Variants in N4BP2 observed in about 807,000 individuals in gnomAD.
N4BP2 encodes NEDD4-binding protein 2.
In N4BP2, 91 loss-of-function variants were observed where a neutral mutation model predicts 152.8. That is an observed-to-expected ratio of 0.60 (90% CI 0.50 to 0.71). The LOEUF is 0.71. Ranked by LOEUF, N4BP2 falls within the 30% of genes least tolerant of loss-of-function variation. N4BP2 has a pLI of 0.00. For missense variants in N4BP2, 1,923 were observed against 2,059.1 expected, an observed-to-expected ratio of 0.93 and a Z score of 1.28; for synonymous variants, 646 against 705.3, an observed-to-expected ratio of 0.92 and a Z score of 1.33.
At chr4:40,114,474 C>T (rs1717178812) in intron 7 of N4BP2, among the ~76,000 whole-genome samples, 1 of 152,134 alleles carries the variant, frequency 6.6e-6, no homozygotes, top group Non-Finnish European at 1.5e-5. Context: ...ATGGAACATA[C>T]AATATGTGGC....
downstream of N4BP2, among the ~76,000 whole-genome samples, chr4:40,163,150 T>C (rs1450305475): frequency 6.6e-6 from 1 of 152,236 alleles, no homozygotes; most frequent in African/African-American, 2.4e-5. Context: ...GAGAATTAGC[T>C]CTACCTTTTG....
intron 3 of N4BP2, 95 bp downstream of exon 3, chr4:40,097,664 CTATTTTAT>C: frequency 1.3e-6 from 1 of 742,310 alleles, no homozygotes; most frequent in East Asian, 2.7e-5. Flanking sequence ...TGTCTTGTTT[CTATTTTAT>C]TCATAATTTA....
chr4:40,113,062 A>T (rs962798935), intron 6 of N4BP2, among the ~76,000 whole-genome samples: 35 of 152,284 alleles, frequency 2.3e-4, no homozygotes, highest in African/African-American at 8.2e-4. Flanking sequence ...TCATTAGCAC[A>T]TGTAGAATTT....
chr4:40,063,315 A>G (rs189018476), intron 1 of N4BP2, among the ~76,000 whole-genome samples: 176 of 152,320 alleles, frequency 1.2e-3, no homozygotes, highest in African/African-American at 4.1e-3. Context: ...GAACTTTCCC[A>G]TAGTTGGGAC....
rs576655413 is a variant in N4BP2, at chr4:40,104,326, C to G, written c.1373+1108C>G. Among the ~76,000 whole-genome samples, 22 of 149,956 alleles carry G rather than the reference C, an allele frequency of 1.5e-4. No homozygotes were observed. The South Asian group carries it at 4.6e-3, about 31-fold the overall frequency. The stretch of plus-strand genomic sequence containing the variant: ...CCTTCTAACATTATCAGTTGGGTCT[C>G]TATTTGATCCTGGGTGTATCTAGTC... On this transcript the variant is annotated intron_variant, in intron 4 of 17. Transcript: ENST00000261435.
chr4:40,102,231 A>G lies in N4BP2; in HGVS notation c.386A>G (p.Lys129Arg). 6.2e-7 allele frequency: 1 copy of G among 1,614,050 alleles called. No individual in the cohort carries two copies. The highest frequency in any genetic ancestry group is 8.5e-7 in the Non-Finnish European group (1 of 1,179,972). ...CCTGAAGAAGAGAGTGAAGATTCAA[A>G]AATGGATTCATTTTTGGACATGCAG... ...KRPEEESEDS[K>R]MDSFLDMQLT... Residue 129 changes from lysine to arginine, a missense_variant, in exon 4 of 18, where the codon AAA (lysine) becomes AGA (arginine). Lys to Arg is a conservative substitution (Grantham distance 26, BLOSUM62 2). Transcript: ENST00000261435.
the N4BP2 span, among the ~76,000 whole-genome samples, chr4:40,175,534 C>T: frequency 6.6e-6 from 1 of 152,088 alleles, no homozygotes; most frequent in Admixed American, 6.6e-5. Flanking sequence ...AAAAGAAAAA[C>T]AACTGGCGGG....
At chr4:40,086,515 T>C (rs1713972399) in intron 2 of N4BP2, among the ~76,000 whole-genome samples, 1 of 151,630 alleles carries the variant, frequency 6.6e-6, no homozygotes, top group African/African-American at 2.4e-5. Flanking sequence ...TTTTTGTATT[T>C]GTAGTAGAGA....
At chr4:40,091,071 G>T (rs1158535940) in intron 2 of N4BP2, among the ~76,000 whole-genome samples, 1 of 116,202 alleles carries the variant, frequency 8.6e-6, no homozygotes, top group Admixed American at 1.0e-4. Context: ...TGTGTTTTTT[G>T]CTAGTATGTA....
rs1721752492 is a variant in N4BP2 at position 40,158,222 on chromosome 4, A to G, written c.*3985A>G. 2 of 152,214 alleles carry G rather than the reference A, an allele frequency of 1.3e-5. No homozygotes were observed. The highest frequency in any genetic ancestry group is 2.9e-5 in the Non-Finnish European group (2 of 68,026). 9.4% of individuals were successfully genotyped at this position (152,214 alleles called of 1,614,324 possible). Reference sequence around the variant, plus strand: ...TCTTATGAAGCCATTTGCAAATTACATACTTAATTTAATAAAATACTTTAG... The same window carrying G: ...TCTTATGAAGCCATTTGCAAATTACGTACTTAATTTAATAAAATACTTTAG... On this transcript the variant is annotated 3_prime_UTR_variant, in exon 18 of 18. Transcript: ENST00000261435.
the N4BP2 span, among the ~76,000 whole-genome samples, chr4:40,176,932 T>C: frequency 1.3e-5 from 2 of 152,218 alleles, no homozygotes; most frequent in Non-Finnish European, 2.9e-5. Context: ...CCCGCTTTTT[T>C]CCCTTTTCAC....
At chr4:40,065,999 C>T (rs794026) in intron 1 of N4BP2, among the ~76,000 whole-genome samples, 128,581 of 151,540 alleles carry the variant, frequency 0.85, 54,625 homozygotes, top group East Asian at 0.97. Flanking sequence ...GGCGTGATCT[C>T]GGCTCACTGC....
the N4BP2 span, among the ~76,000 whole-genome samples, chr4:40,176,899 CT>C: frequency 6.6e-6 from 1 of 152,218 alleles, no homozygotes; most frequent in East Asian, 1.9e-4. Context: ...AGACTCTGGC[CT>C]TTCGGGGGAT....
At chr4:40,087,572 G>C (rs546875946) in intron 2 of N4BP2, among the ~76,000 whole-genome samples, 1 of 151,324 alleles carries the variant, frequency 6.6e-6, no homozygotes, top group African/African-American at 2.4e-5. Context: ...GCCATGTTGC[G>C]TAGGCTGGTC....
At chr4:40,093,242 C>G (rs868725998) in intron 2 of N4BP2, among the ~76,000 whole-genome samples, 3 of 151,972 alleles carry the variant, frequency 2.0e-5, no homozygotes, top group Non-Finnish European at 2.9e-5. Flanking sequence ...CCATGCCTGG[C>G]CCCGGCCTAC....
intron 15 of N4BP2, among the ~76,000 whole-genome samples, chr4:40,143,341 T>A (rs1000126162): frequency 6.6e-6 from 1 of 152,154 alleles, no homozygotes; most frequent in Non-Finnish European, 1.5e-5. Context: ...TAAGATAAGG[T>A]CTTGCTCTGT....
chr4:40,167,812 A>G, the N4BP2 span: 1 of 152,222 alleles, frequency 6.6e-6, no homozygotes, highest in East Asian at 1.9e-4. Context: ...TACGTGTTAA[A>G]TAAAGACTCT....
intron 3 of N4BP2, among the ~76,000 whole-genome samples, chr4:40,099,507 C>T (rs1475283647): frequency 6.6e-6 from 1 of 152,114 alleles, no homozygotes; most frequent in Admixed American, 6.5e-5. Flanking sequence ...GCCTCAGCCT[C>T]CCAAAATGCT....
Position 40,144,758 on chromosome 4 carries a change from G to A in N4BP2, c.5101G>A (p.Ala1701Thr), listed in dbSNP as rs781659109. The A allele has an allele frequency of 1.1e-5, 17 of 1,613,278 alleles. No individual in the cohort carries two copies. The highest frequency in any genetic ancestry group is 1.4e-5 in the Non-Finnish European group (17 of 1,179,798). The change falls in exon 16 of 18, where the codon GCT (alanine) becomes ACT (threonine). Residue 1701 changes from alanine to threonine, a missense_variant. By Grantham distance (58) the Ala-to-Thr change is moderately conservative (BLOSUM62 0). Coordinates refer to ENST00000261435, the MANE Select transcript of N4BP2 (RefSeq NM_018177.6). ...LDLHGLHVDE[A>T]LEHLMRVLEK... ...CCTCCATGGGCTGCATGTGGATGAA[G>A]CTCTAGAACATTTGATGAGAGTTTT...
Sources: gnomAD v4.1 joint callset for allele counts (sites outside exome capture counted in the v4.1 genomes callset) on GRCh38, gnomAD v4.1.1 for gene constraint, MANE v1.5 for transcripts, NCBI Gene and HGNC (gene_info 2026-07-23, HGNC 2026-07-21) for gene names.